The following SMARCD2 variants were observed in gnomAD, a reference collection of about 807,000 sequenced individuals.
The protein encoded by SMARCD2 is SWI/SNF-related matrix-associated actin-dependent regulator of chromatin subfamily D member 2.
Under a neutral mutation model 70.4 loss-of-function variants are expected in SMARCD2, and 39 were observed. That is an observed-to-expected ratio of 0.55 (90% CI 0.43 to 0.72). SMARCD2 has a LOEUF of 0.72. Among genes scored for constraint, SMARCD2 ranks in the 30% least tolerant of loss-of-function variants. The probability of loss-of-function intolerance (pLI) is 0.00; values close to 1 mark genes in which losing one functional copy is unlikely to be tolerated. For missense variants in SMARCD2, 540 were observed against 713.4 expected, an observed-to-expected ratio of 0.76 and a Z score of 2.77; for synonymous variants, 249 against 279.4, an observed-to-expected ratio of 0.89 and a Z score of 1.08.
At position 63,842,628 on chromosome 17, in the gene SMARCD2, G is replaced by A; in HGVS notation, c.47C>T (p.Pro16Leu). The A allele has an allele frequency of 1.6e-6, 2 of 1,242,662 alleles. No homozygotes were observed. The highest frequency in any genetic ancestry group is 2.0e-6 in the Non-Finnish European group (2 of 994,422). 77.0% of individuals were successfully genotyped at this position (1,242,662 alleles called of 1,614,324 possible). Residue 16 changes from proline (P) to leucine (L), a missense_variant, in exon 1 of 13, where the codon CCT becomes CTT. Pro to Leu is a moderately conservative substitution (Grantham distance 98, BLOSUM62 -3). Coordinates refer to ENST00000448276, the MANE Select transcript of SMARCD2 (RefSeq NM_001098426.2). The part of the protein sequence containing the change: ...AGGFPLPPLS[P>L]GGGAVAAALG... ...GGCCGCAGCCACGGCGCCGCCGCCA[G>A]GGCTTAGCGGGGGCAGCGGGAACCC...
In SMARCD2 at chr17:63,837,060, A is replaced by G. The variant is rs772325789; in HGVS notation, c.445-16T>C. 2.5e-5 allele frequency: 41 copies of G among 1,612,996 alleles called. No homozygotes were observed. In the South Asian group the frequency reaches 4.5e-4, roughly 18 times the overall value. On this transcript the variant is annotated splice_polypyrimidine_tract_variant and intron_variant, in intron 3 of 12. Transcript: ENST00000448276. This position sits in a 1 kb window ranked among gnomAD's most constrained non-coding sequence, Gnocchi z 6.4. ...GCTCCCGGATCTGAAGGAAGGTAGCAGAAGCTCATCAGCTTGCTTCAGCCA... is the reference window on the plus strand; with the variant it reads ...GCTCCCGGATCTGAAGGAAGGTAGCGGAAGCTCATCAGCTTGCTTCAGCCA...
In SMARCD2 at chr17:63,834,437, C is replaced by T. The variant is rs1187650808; in HGVS notation, c.921+37G>A. 11 of 1,554,174 alleles carry T rather than the reference C, an allele frequency of 7.1e-6. No individual in the cohort carries two copies. The highest frequency in any genetic ancestry group is 5.5e-5 in the African/African-American group (4 of 73,282). Reference sequence around the variant, plus strand: ...GAACCAGCTCCCCTCCTGAGGGGTCCCTGTGGGCCCAGAAATGACCCCAGG... The same window carrying T: ...GAACCAGCTCCCCTCCTGAGGGGTCTCTGTGGGCCCAGAAATGACCCCAGG... On this transcript the variant is annotated intron_variant, in intron 7 of 12. Coordinates refer to ENST00000448276, the MANE Select transcript of SMARCD2 (RefSeq NM_001098426.2). The surrounding 1 kb of genome is among the most constrained non-coding windows in gnomAD (Gnocchi z 5.6).
Position 63,834,563 on chromosome 17 carries a change from G to A in SMARCD2, c.832C>T (p.Pro278Ser). ...DNHLVEWHRM[P>S]TTQETDGFQV... ...AAGCCATCTGTCTCCTGGGTGGTGGGCATCCGGTGCCACTGGCAGGGAGGG... is the reference window on the plus strand; with the variant it reads ...AAGCCATCTGTCTCCTGGGTGGTGGACATCCGGTGCCACTGGCAGGGAGGG... Residue 278 changes from proline (P) to serine (S), a missense_variant, in exon 7 of 13, where the codon CCC (proline) becomes TCC (serine). Transcript: ENST00000448276. The surrounding 1 kb of genome is among the most constrained non-coding windows in gnomAD (Gnocchi z 5.6). The A allele has an allele frequency of 1.2e-6, 2 of 1,604,018 alleles. No homozygotes were observed. The highest frequency in any genetic ancestry group is 1.7e-6 in the Non-Finnish European group (2 of 1,173,308).
chr17:63,837,131 G>A lies in SMARCD2; in HGVS notation c.444+64C>T. 1 of 1,611,698 alleles carries A rather than the reference G, an allele frequency of 6.2e-7. No homozygotes were observed. Among genetic ancestry groups the A allele is most frequent in the Non-Finnish European group, 8.5e-7 (1 of 1,178,012 alleles). Reference sequence around the variant, plus strand: ...TTCCTGCTGCAGCCCAGCTTTGAGAGAGATGGACACCCACCCCAAGGTGGC... The same window carrying A: ...TTCCTGCTGCAGCCCAGCTTTGAGAAAGATGGACACCCACCCCAAGGTGGC... On this transcript the variant is annotated intron_variant, in intron 3 of 12. Coordinates refer to ENST00000448276, the MANE Select transcript of SMARCD2 (RefSeq NM_001098426.2). This position sits in a 1 kb window ranked among gnomAD's most constrained non-coding sequence, Gnocchi z 6.4.
chr17:63,833,792 G>T lies in SMARCD2; in HGVS notation c.1182-70C>A, dbSNP rs1421163486. 6 of 1,599,434 alleles carry T rather than the reference G, an allele frequency of 3.8e-6. No individual in the cohort carries two copies. In the Admixed American group the frequency reaches 1.0e-4, roughly 27 times the overall value. On this transcript the variant is annotated intron_variant, in intron 9 of 12. Transcript: ENST00000448276. This position sits in a 1 kb window ranked among gnomAD's most constrained non-coding sequence, Gnocchi z 4.3. The stretch of plus-strand genomic sequence containing the variant: ...CCTGCCCACCTGGGCCAAATCTGGG[G>T]CCCATTCTCTGCACACACTCAGGGA...
In SMARCD2 at chr17:63,837,717, G is replaced by T; in HGVS notation, c.217-92C>A. ...GCCCTCCATCCCTCTCGTCAGCCAG[G>T]TAGGGCCTGAGCAGCACACCAGAGC... On this transcript the variant is annotated intron_variant, in intron 1 of 12. Transcript: ENST00000448276. This position sits in a 1 kb window ranked among gnomAD's most constrained non-coding sequence, Gnocchi z 6.4. 1 of 1,084,388 alleles carries T rather than the reference G, an allele frequency of 9.2e-7. No individual in the cohort carries two copies. Among genetic ancestry groups the T allele is most frequent in the Non-Finnish European group, 1.3e-6 (1 of 749,948 alleles). 67.2% of individuals were successfully genotyped at this position (1,084,388 alleles called of 1,614,324 possible).
In SMARCD2 at chr17:63,834,402, G is replaced by C; in HGVS notation, c.921+72C>G. ...TGGGAAAATAGGGCAGGGACAGGAA[G>C]GGTTTCTAGGAACCAGCTCCCCTCC... On this transcript the variant is annotated intron_variant, in intron 7 of 12. Coordinates refer to ENST00000448276, the MANE Select transcript of SMARCD2 (RefSeq NM_001098426.2). The surrounding 1 kb of genome is among the most constrained non-coding windows in gnomAD (Gnocchi z 5.6). The C allele has an allele frequency of 6.4e-7, 1 of 1,570,562 alleles. No individual in the cohort carries two copies. Among genetic ancestry groups the C allele is most frequent in the Middle Eastern group, 1.7e-4 (1 of 5,818 alleles).
At chr17:63,838,520 C>A in intron 1 of SMARCD2, 1 of 1,159,630 alleles carries the variant, frequency 8.6e-7, no homozygotes, top group Non-Finnish European at 1.1e-6. Flanking sequence ...TAAGATTATC[C>A]TGGGAGGCAA....
chr17:63,835,388 C>A, intron 5 of SMARCD2, 24 bp downstream of exon 5: 2 of 1,606,596 alleles, frequency 1.2e-6, no homozygotes, highest in Non-Finnish European at 1.7e-6. Flanking sequence ...CTCCTTCCCT[C>A]CAGAACCTCC....
Position 63,834,340 on chromosome 17 carries a change from T to C in SMARCD2, c.922-12A>G, listed in dbSNP as rs778046666. The C allele has an allele frequency of 3.7e-6, 6 of 1,607,966 alleles. No homozygotes were observed. Among genetic ancestry groups the C allele is most frequent in the Non-Finnish European group, 5.1e-6 (6 of 1,175,532 alleles). The stretch of plus-strand genomic sequence containing the variant: ...TTGTACTGGGGAGGCTGGAGTTGGA[T>C]GGAGGGGAGTCAGAACGGGTTCTTA... On this transcript the variant is annotated splice_polypyrimidine_tract_variant and intron_variant, in intron 7 of 12. Transcript: ENST00000448276. The surrounding 1 kb of genome is among the most constrained non-coding windows in gnomAD (Gnocchi z 5.6).
In SMARCD2 at chr17:63,833,709, C is replaced by A. The variant is rs778243479; in HGVS notation, c.1195G>T (p.Asp399Tyr). The A allele has an allele frequency of 4.3e-6, 7 of 1,613,944 alleles. No individual in the cohort carries two copies. The highest frequency in any genetic ancestry group is 5.9e-6 in the Non-Finnish European group (7 of 1,179,894). ...TCGTAACAGGCTGTCTTCTTCTGGT[C>A]GTTAGGGTCGACACTGCAGGCAGCA... Reference protein sequence around the residue: ...INHVISVDPNDQKKTACYDID... With the variant: ...INHVISVDPNYQKKTACYDID... Residue 399 changes from aspartate to tyrosine, a missense_variant, in exon 10 of 13, where the codon GAC (aspartate) becomes TAC (tyrosine). By Grantham distance (160) the Asp-to-Tyr change is radical (BLOSUM62 -3). Coordinates refer to ENST00000448276, the MANE Select transcript of SMARCD2 (RefSeq NM_001098426.2). This position sits in a 1 kb window ranked among gnomAD's most constrained non-coding sequence, Gnocchi z 4.3.
chr17:63,837,930 C>G lies in SMARCD2; in HGVS notation c.217-305G>C, dbSNP rs1295968180. Among the ~76,000 whole-genome samples the G allele has an allele frequency of 6.6e-6, 1 of 152,170 alleles. No homozygotes were observed. The highest frequency in any genetic ancestry group is 1.5e-5 in the Non-Finnish European group (1 of 68,030). ...GGGAGCTTTTCAGGGCCCATTGCTA[C>G]CTTCCAGCCCCAGCATGCTGTGCCC... On this transcript the variant is annotated intron_variant, in intron 1 of 12. Coordinates refer to ENST00000448276, the MANE Select transcript of SMARCD2 (RefSeq NM_001098426.2). The surrounding 1 kb of genome is among the most constrained non-coding windows in gnomAD (Gnocchi z 6.4).
chr17:63,834,555 G>C lies in SMARCD2; in HGVS notation c.840C>G (p.Thr280=), dbSNP rs374304188. 2 of 1,606,672 alleles carry C rather than the reference G, an allele frequency of 1.2e-6. No individual in the cohort carries two copies. Among genetic ancestry groups the C allele is most frequent in the Middle Eastern group, 1.7e-4 (1 of 6,026 alleles). Residue 280 remains threonine (T), a synonymous_variant, in exon 7 of 13, where the codon ACC becomes ACG. Coordinates refer to ENST00000448276, the MANE Select transcript of SMARCD2 (RefSeq NM_001098426.2). This position sits in a 1 kb window ranked among gnomAD's most constrained non-coding sequence, Gnocchi z 5.6. ...HLVEWHRMPT[T]QETDGFQVKR... ...TTACTTGGAAGCCATCTGTCTCCTG[G>C]GTGGTGGGCATCCGGTGCCACTGGC... is the stretch of plus-strand genomic sequence containing the variant.
rs781165926 is a variant in SMARCD2 at position 63,834,511 on chromosome 17, T to C, written c.884A>G (p.Asn295Ser). Reference protein sequence around the residue: ...GFQVKRPGDLNVKCTLLLMLD... With the variant: ...GFQVKRPGDLSVKCTLLLMLD... The stretch of plus-strand genomic sequence containing the variant: ...CATGAGCAGGAGGGTGCACTTGACG[T>C]TGAGGTCTCCAGGCCGTTTTACTTG... The change falls in exon 7 of 13, where the codon AAC becomes AGC. Residue 295 changes from asparagine to serine, a missense_variant. Coordinates refer to ENST00000448276, the MANE Select transcript of SMARCD2 (RefSeq NM_001098426.2). The surrounding 1 kb of genome is among the most constrained non-coding windows in gnomAD (Gnocchi z 5.6). 6.2e-6 allele frequency: 10 copies of C among 1,605,244 alleles called. No homozygotes were observed. Among genetic ancestry groups the C allele is most frequent in the Non-Finnish European group, 1.7e-6 (2 of 1,173,810 alleles).
intron 1 of SMARCD2, among the ~76,000 whole-genome samples, chr17:63,839,601 AAAC>A (rs1904366927): frequency 1.3e-5 from 2 of 152,058 alleles, no homozygotes; most frequent in Admixed American, 6.5e-5. Flanking sequence ...AAACAAAAAA[AAAC>A]AACTCAGGAG....
rs1199299423 is a variant in SMARCD2 at position 63,833,685 on chromosome 17, C to T, written c.1219G>A (p.Asp407Asn). ...PNDQKKTACY[D>N]IDVEVDDPLK... Reference sequence around the variant, plus strand: ...GGGTCGTCCACCTCCACATCGATGTCGTAACAGGCTGTCTTCTTCTGGTCG... The same window carrying T: ...GGGTCGTCCACCTCCACATCGATGTTGTAACAGGCTGTCTTCTTCTGGTCG... The change falls in exon 10 of 13, where the codon GAC (aspartate) becomes AAC (asparagine). Residue 407 changes from aspartate (D) to asparagine (N), a missense_variant. Coordinates refer to ENST00000448276, the MANE Select transcript of SMARCD2 (RefSeq NM_001098426.2). This position sits in a 1 kb window ranked among gnomAD's most constrained non-coding sequence, Gnocchi z 4.3. 18 of 1,613,790 alleles carry T rather than the reference C, an allele frequency of 1.1e-5. No homozygotes were observed. Among genetic ancestry groups the T allele is most frequent in the South Asian group, 2.2e-5 (2 of 91,070 alleles).
intron 5 of SMARCD2, chr17:63,835,076 G>C (rs2584621): frequency 7.5e-6 from 4 of 535,610 alleles, no homozygotes; most frequent in East Asian, 6.3e-5. Flanking sequence ...TTGGAGCAGC[G>C]CCCCCCTCCC....
Position 63,832,974 on chromosome 17 carries a change from C to A in SMARCD2, c.1560G>T (p.Gln520His). The change falls in exon 13 of 13, where the codon CAG becomes CAT. Residue 520 changes from glutamine (Q) to histidine (H), a missense_variant. Physicochemically the swap from Gln to His is conservative, Grantham distance 24. Coordinates refer to ENST00000448276, the MANE Select transcript of SMARCD2 (RefSeq NM_001098426.2). ...GAATTCCCAGCACCTGTTCCAGTTC[C>A]TGCCTTCGCTGCTGCACCTGGAGAA... ...HIFAKVQQRR[Q>H]ELEQVLGIRL... 6.3e-7 allele frequency: 1 copy of A among 1,582,344 alleles called. No homozygotes were observed. The highest frequency in any genetic ancestry group is 2.3e-5 in the East Asian group (1 of 43,120).
In SMARCD2 at chr17:63,837,503, A is replaced by G. The variant is rs2040281099; in HGVS notation, c.339T>C (p.Asp113=). Residue 113 remains aspartate (D), a synonymous_variant, in exon 2 of 13, where the codon GAT becomes GAC. Transcript: ENST00000448276. The surrounding 1 kb of genome is among the most constrained non-coding windows in gnomAD (Gnocchi z 6.4). The part of the protein sequence containing the change: ...LRPGMPPTMM[D]PFRKRLLVPQ... ...GCACAAGCAGGCGTTTTCGGAATGG[A>G]TCCATCATGGTGGGTGGCATGCCAG... is the stretch of plus-strand genomic sequence containing the variant. 3 of 1,601,396 alleles carry G rather than the reference A, an allele frequency of 1.9e-6. No individual in the cohort carries two copies. The highest frequency in any genetic ancestry group is 2.6e-6 in the Non-Finnish European group (3 of 1,172,176).
Sources: gnomAD v4.1 joint callset for allele counts (sites outside exome capture counted in the v4.1 genomes callset) on GRCh38, gnomAD v4.1.1 for gene constraint, Gnocchi (gnomAD v3.1) non-coding constraint, MANE v1.5 for transcripts, NCBI Gene and HGNC (gene_info 2026-07-23, HGNC 2026-07-21) for gene names.